RAD50: variants seen among roughly 807,000 people sequenced by gnomAD.
RAD50 encodes the protein RAD50 double strand break repair protein, also known as DNA repair protein RAD50.
In RAD50, 132 loss-of-function variants were observed where a neutral mutation model predicts 168.8. That is an observed-to-expected ratio of 0.78 (90% CI 0.68 to 0.90). RAD50 has a LOEUF of 0.90. Ranked by LOEUF, RAD50 falls within the 40% of genes least tolerant of loss-of-function variation. The pLI is 0.00. For missense variants in RAD50, 1,347 were observed against 1,534.4 expected, an observed-to-expected ratio of 0.88 and a Z score of 2.04; for synonymous variants, 525 against 497.4, an observed-to-expected ratio of 1.06 and a Z score of -0.74.
At chr5:132,586,443 A>G (rs1162185742) in intron 5 of RAD50, among the ~76,000 whole-genome samples, 1 of 152,136 alleles carries the variant, frequency 6.6e-6, no homozygotes, top group Non-Finnish European at 1.5e-5. Flanking sequence ...CTCTTGGTAA[A>G]ATTATTTTTT....
chr5:132,575,529 T>A (rs1161662352), intron 2 of RAD50, among the ~76,000 whole-genome samples: 1 of 152,254 alleles, frequency 6.6e-6, no homozygotes, highest in Non-Finnish European at 1.5e-5. Flanking sequence ...TAAAATTCAT[T>A]TATTTGAAAA....
intron 21 of RAD50, among the ~76,000 whole-genome samples, chr5:132,633,668 C>T (rs558044055): frequency 1.3e-5 from 2 of 151,778 alleles, no homozygotes; most frequent in Non-Finnish European, 2.9e-5. Flanking sequence ...TTCAACTTCC[C>T]GGGCTCAGTT....
At chr5:132,571,181 T>C (rs753620275) in intron 2 of RAD50, among the ~76,000 whole-genome samples, 8 of 152,084 alleles carry the variant, frequency 5.3e-5, no homozygotes, top group Non-Finnish European at 1.2e-4. Context: ...ACAATAATAA[T>C]GAAAAAGTTT....
intron 19 of RAD50, among the ~76,000 whole-genome samples, chr5:132,610,319 G>T (rs1214501273): frequency 6.6e-6 from 1 of 151,838 alleles, no homozygotes; most frequent in Non-Finnish European, 1.5e-5. Flanking sequence ...GACGGATTAA[G>T]GTTTAATAAT....
At chr5:132,561,125 A>T (rs139345463) in intron 2 of RAD50, among the ~76,000 whole-genome samples, 13 of 152,240 alleles carry the variant, frequency 8.5e-5, no homozygotes, top group African/African-American at 3.1e-4. Context: ...CTTTTGTGAC[A>T]CTATAATCTC....
intron 15 of RAD50, among the ~76,000 whole-genome samples, chr5:132,604,359 G>A (rs570697331): frequency 4.0e-5 from 6 of 151,604 alleles, no homozygotes; most frequent in Non-Finnish European, 7.4e-5. Context: ...TCCGCCTCCC[G>A]GGTTCAAGTG....
At chr5:132,601,066 A>G (rs1344093584) in intron 13 of RAD50, among the ~76,000 whole-genome samples, 1 of 152,222 alleles carries the variant, frequency 6.6e-6, no homozygotes, top group Non-Finnish European at 1.5e-5. Flanking sequence ...GCACAATCTC[A>G]GCTCACTGCA....
chr5:132,608,678 G>T lies in RAD50; in HGVS notation c.2782G>T (p.Glu928Ter), dbSNP rs866065555. 6.3e-7 allele frequency: 1 copy of T among 1,599,470 alleles called. No individual in the cohort carries two copies. ...TLEKFQQEKEELINKKNTSNK... is the reference protein window; with the variant it reads ...TLEKFQQEKE ...GGAAAAGTTCCAGCAAGAAAAAGAAGAATTAATCAACAAAAAAAATACAAG... is the reference window on the plus strand; with the variant it reads ...GGAAAAGTTCCAGCAAGAAAAAGAATAATTAATCAACAAAAAAAATACAAG... Residue 928 changes from glutamate to a stop codon, truncating the protein, a stop_gained, in exon 17 of 25, where the codon GAA becomes TAA. Coordinates refer to ENST00000378823, the MANE Select transcript of RAD50 (RefSeq NM_005732.4). LOFTEE classifies it high-confidence loss of function.
chr5:132,632,680 T>C (rs560332614), intron 21 of RAD50, among the ~76,000 whole-genome samples: 4 of 152,352 alleles, frequency 2.6e-5, no homozygotes, highest in South Asian at 2.1e-4. Context: ...AAAGCAGATA[T>C]GTCAAAAAGA....
intron 21 of RAD50, among the ~76,000 whole-genome samples, chr5:132,627,793 G>C (rs1221016868): frequency 6.6e-6 from 1 of 152,192 alleles, no homozygotes; most frequent in African/African-American, 2.4e-5. Context: ...ACTGGCTGCT[G>C]GGTGTGGAGA....
rs776601293 is a variant in RAD50, at chr5:132,642,235, TGAA to T, written c.3813_3815del (p.Glu1271del). 9 of 1,614,154 alleles carry T rather than the reference TGAA, an allele frequency of 5.6e-6. No individual in the cohort carries two copies. The East Asian group carries it at 2.0e-4, about 36-fold the overall frequency. On this transcript the variant is annotated inframe_deletion, in exon 25 of 25. Transcript: ENST00000378823. ...TCCAGCTTCTGGTAATCACTCATGA[TGAA>T]GATTTTGTGGAGCTTTTAGGACGTT...
intron 16 of RAD50, 67 bp from the exon 17 acceptor site, chr5:132,608,548 T>C: frequency 7.4e-7 from 1 of 1,356,836 alleles, no homozygotes; most frequent in Non-Finnish European, 1.0e-6. Context: ...ATTAAGACTG[T>C]GAAGTCTGAC....
intron 7 of RAD50, 49 bp from the exon 8 acceptor site, chr5:132,588,638 T>C (rs1307376972): frequency 6.5e-7 from 1 of 1,543,772 alleles, no homozygotes; most frequent in Non-Finnish European, 8.9e-7. Flanking sequence ...CTATCTCAAC[T>C]TTTTAAGCAC....
At chr5:132,635,003 C>T (rs1015008511) in intron 21 of RAD50, among the ~76,000 whole-genome samples, 4 of 152,116 alleles carry the variant, frequency 2.6e-5, no homozygotes, top group Admixed American at 1.3e-4. Context: ...TTATGTTTCT[C>T]CTTGCTGTGT....
At chr5:132,588,555 T>C in intron 7 of RAD50, 132 bp from the exon 8 acceptor site, 1 of 873,842 alleles carries the variant, frequency 1.1e-6, no homozygotes, top group Non-Finnish European at 1.7e-6. Context: ...TGCAAAATGT[T>C]ATCATTGGGA....
chr5:132,606,782 G>A (rs1347407228), intron 16 of RAD50, among the ~76,000 whole-genome samples: 4 of 152,114 alleles, frequency 2.6e-5, no homozygotes, highest in African/African-American at 9.7e-5. Flanking sequence ...CGATCAAGTC[G>A]GCTTTATTCC....
intron 20 of RAD50, 136 bp downstream of exon 20, chr5:132,616,266 T>C: frequency 1.2e-6 from 1 of 817,140 alleles, no homozygotes. Context: ...TGAACAGTGT[T>C]TTGATACAAT....
At chr5:132,595,885 T>G in intron 13 of RAD50, 75 bp downstream of exon 13, 2 of 1,353,028 alleles carry the variant, frequency 1.5e-6, no homozygotes, top group Non-Finnish European at 2.1e-6. Context: ...CCTGGGCAGA[T>G]GGTAGTTACT....
chr5:132,569,618 G>C (rs1580981514), intron 2 of RAD50, among the ~76,000 whole-genome samples: 1 of 152,278 alleles, frequency 6.6e-6, no homozygotes, highest in East Asian at 1.9e-4. Context: ...TAACAACACT[G>C]TTAACCAAAT....
Sources: allele counts gnomAD v4.1 joint callset (sites outside exome capture counted in the v4.1 genomes callset), GRCh38; gene constraint gnomAD v4.1.1; transcripts MANE v1.5; gene names NCBI Gene and HGNC (gene_info 2026-07-23, HGNC 2026-07-21).